Variants in PBX1 observed in about 807,000 individuals in gnomAD.
The protein encoded by PBX1 is pre-B-cell leukemia transcription factor 1.
In PBX1, 6 loss-of-function variants were observed where a neutral mutation model predicts 53.4. That is an observed-to-expected ratio of 0.11 (90% confidence interval 0.06 to 0.22). The LOEUF is 0.22. PBX1 is among the 10% of genes least tolerant of loss of function. The pLI, the probability that PBX1 is intolerant of heterozygous loss-of-function variation, is 1.00. For missense variants in PBX1, 251 were observed against 551.4 expected (o/e 0.46, Z 5.46); for synonymous variants, 204 against 212.3 (o/e 0.96, Z 0.34).
chr1:164,618,023 T>A (rs1178319505), intron 2 of PBX1, among the ~76,000 whole-genome samples: 2 of 152,192 alleles, frequency 1.3e-5, no homozygotes, highest in African/African-American at 4.8e-5. Context: ...CAGCGGCCTA[T>A]GCTGCCTCCC....
intron 2 of PBX1, among the ~76,000 whole-genome samples, chr1:164,642,363 T>C (rs1659195274): frequency 2.0e-5 from 3 of 152,172 alleles, no homozygotes; most frequent in African/African-American, 7.2e-5. Context: ...CCCCAGATAT[T>C]TGACCACTCT....
chr1:164,704,113 C>G (rs1041014583), intron 2 of PBX1, among the ~76,000 whole-genome samples: 5 of 151,962 alleles, frequency 3.3e-5, no homozygotes, highest in Admixed American at 1.3e-4. Context: ...AGATACAAGT[C>G]CTATAGTTAA....
intron 2 of PBX1, among the ~76,000 whole-genome samples, chr1:164,758,612 T>G (rs2102215016): frequency 6.6e-6 from 1 of 152,200 alleles, no homozygotes; most frequent in Admixed American, 6.5e-5. Context: ...TTTCCTATCC[T>G]TCCCAGTGAC....
At chr1:164,719,462 T>A (rs6703521) in intron 2 of PBX1, among the ~76,000 whole-genome samples, 66,649 of 151,996 alleles carry the variant, frequency 0.44, 15,752 homozygotes, top group South Asian at 0.72. Context: ...ATTAATTGGC[T>A]TTGTAAATAT....
chr1:164,722,572 T>C (rs1424965596), intron 2 of PBX1, among the ~76,000 whole-genome samples: 1 of 152,214 alleles, frequency 6.6e-6, no homozygotes, highest in African/African-American at 2.4e-5. Context: ...GCTTTTTGTA[T>C]ACAAAATGGA....
intron 2 of PBX1, among the ~76,000 whole-genome samples, chr1:164,658,681 G>A (rs777698361): frequency 1.3e-5 from 2 of 152,090 alleles, no homozygotes; most frequent in African/African-American, 4.8e-5. Context: ...CCTTGGATGG[G>A]CTATTTCACC....
At chr1:164,689,115 T>C (rs780107637) in intron 2 of PBX1, among the ~76,000 whole-genome samples, 1 of 152,240 alleles carries the variant, frequency 6.6e-6, no homozygotes, top group Non-Finnish European at 1.5e-5. Context: ...TTGAAATTAA[T>C]GTCCCCTCAT....
intron 2 of PBX1, 98 bp from the exon 3 acceptor site, chr1:164,792,396 C>G (rs1668559967): frequency 6.6e-7 from 1 of 1,525,316 alleles, no homozygotes; most frequent in Non-Finnish European, 8.8e-7. Context: ...TTGCAAGTAA[C>G]TTGGCAGCTT....
At chr1:164,627,918 C>T (rs192634927) in intron 2 of PBX1, among the ~76,000 whole-genome samples, 2 of 152,258 alleles carry the variant, frequency 1.3e-5, no homozygotes, top group Non-Finnish European at 2.9e-5. Context: ...TCTGCTATGA[C>T]CGTATATTTG....
intron 2 of PBX1, among the ~76,000 whole-genome samples, chr1:164,732,483 T>C (rs1412157685): frequency 6.6e-6 from 1 of 152,168 alleles, no homozygotes; most frequent in Non-Finnish European, 1.5e-5. Context: ...GCCTTCTAGT[T>C]CATGGAGGAA....
chr1:164,784,148 G>C lies in PBX1; in HGVS notation c.266-8346G>C, dbSNP rs553962218. 3.1e-3 allele frequency among the ~76,000 whole-genome samples: 470 copies of C among 152,282 alleles called. 1 individual carries two copies. The highest frequency in any genetic ancestry group is 0.011 in the African/African-American group (460 of 41,556). On this transcript the variant is annotated intron_variant, in intron 2 of 8. Transcript: ENST00000420696. Reference sequence around the variant, plus strand: ...GCCCTGGTCCTGGTCCTGGCCTTCTGTCTTTCCGATGGCTTTCCCCCTTTC... The same window carrying C: ...GCCCTGGTCCTGGTCCTGGCCTTCTCTCTTTCCGATGGCTTTCCCCCTTTC...
At chr1:164,766,740 T>A (rs35734681) in intron 2 of PBX1, among the ~76,000 whole-genome samples, 11,936 of 135,954 alleles carry the variant, frequency 0.088, 734 homozygotes, top group South Asian at 0.3. Context: ...ATTTATTTAT[T>A]TTTTTTTTTT....
intron 2 of PBX1, among the ~76,000 whole-genome samples, chr1:164,711,799 C>CGTAAGT (rs781389477): frequency 3.3e-5 from 5 of 152,178 alleles, no homozygotes; most frequent in African/African-American, 1.2e-4. Flanking sequence ...ATGCCCCATT[C>CGTAAGT]GTAAGTATTC....
intron 8 of PBX1, among the ~76,000 whole-genome samples, chr1:164,824,861 C>T (rs921500524): frequency 6.6e-6 from 1 of 152,196 alleles, no homozygotes; most frequent in African/African-American, 2.4e-5. Flanking sequence ...CTCACTGCCA[C>T]CATCCTAGTT....
At chr1:164,751,377 C>A (rs1009671780) in intron 2 of PBX1, among the ~76,000 whole-genome samples, 2 of 150,746 alleles carry the variant, frequency 1.3e-5, no homozygotes, top group South Asian at 4.2e-4. Context: ...TGAATGTGTA[C>A]AATGGAGTTT....
rs551791166 is a variant in PBX1, at chr1:164,883,987, G to C, written n.258-15201G>C. On this transcript the variant is annotated intron_variant and non_coding_transcript_variant, in intron 2 of 2. Transcript: ENST00000558796. Reference sequence around the variant, plus strand: ...ATTAGCTTCTTTTTAGGTGGAGGTAGATAAACAAGGGGAAGGGGAAAACCA... The same window carrying C: ...ATTAGCTTCTTTTTAGGTGGAGGTACATAAACAAGGGGAAGGGGAAAACCA... Among the ~76,000 whole-genome samples the C allele has an allele frequency of 3.3e-5, 5 of 152,264 alleles. No individual in the cohort carries two copies. In the East Asian group the frequency reaches 9.6e-4, roughly 29 times the overall value.
intron 2 of PBX1, among the ~76,000 whole-genome samples, chr1:164,658,434 G>C (rs1660292926): frequency 6.6e-6 from 1 of 152,112 alleles, no homozygotes; most frequent in African/African-American, 2.4e-5. Flanking sequence ...AATAAGTACA[G>C]ATAATTACTA....
intron 2 of PBX1, among the ~76,000 whole-genome samples, chr1:164,882,813 C>A (rs1385527454): frequency 6.6e-6 from 1 of 152,060 alleles, no homozygotes; most frequent in African/African-American, 2.4e-5. Flanking sequence ...ATAGGGGTAT[C>A]TGTAATTATA....
intron 2 of PBX1, among the ~76,000 whole-genome samples, chr1:164,716,748 GA>G (rs11287616): frequency 0.29 from 40,469 of 139,040 alleles, 5,978 homozygotes; most frequent in South Asian, 0.51. Flanking sequence ...ACGAAGAGAA[GA>G]AAAAAAAAGA....
Sources: gnomAD v4.1 joint callset for allele counts (sites outside exome capture counted in the v4.1 genomes callset) on GRCh38, gnomAD v4.1.1 for gene constraint, MANE v1.5 for transcripts, NCBI Gene and HGNC (gene_info 2026-07-23, HGNC 2026-07-21) for gene names.